SCAPER: variants seen among roughly 807,000 people sequenced by gnomAD.
The protein encoded by SCAPER is S-phase cyclin A associated protein in the ER.
In SCAPER, 98 loss-of-function variants were observed where a neutral mutation model predicts 182.2. The ratio of observed to expected loss-of-function variants is 0.54; its 90% CI spans 0.46 to 0.64. The LOEUF (loss-of-function observed/expected upper bound fraction) is 0.64. SCAPER is among the 30% of genes least tolerant of loss of function. The probability of loss-of-function intolerance (pLI) is 0.00; values close to 1 mark genes in which losing one functional copy is unlikely to be tolerated. For missense variants in SCAPER, 1,432 were observed against 1,690.0 expected (o/e 0.85, Z 2.68); for synonymous variants, 605 against 564.6 (o/e 1.07, Z -1.01).
chr15:76,552,891 T>C (rs2045898258), intron 23 of SCAPER, among the ~76,000 whole-genome samples: 1 of 152,164 alleles, frequency 6.6e-6, no homozygotes, highest in South Asian at 2.1e-4. Context: ...GGGACCCCAG[T>C]CTGGCCATGC....
At chr15:76,499,261 A>T (rs969507430) in intron 24 of SCAPER, among the ~76,000 whole-genome samples, 9 of 152,244 alleles carry the variant, frequency 5.9e-5, no homozygotes, top group Non-Finnish European at 1.2e-4. Context: ...TAAACTGATG[A>T]TGGAGGGTAA....
At chr15:76,622,054 G>A (rs2052118727) in intron 21 of SCAPER, among the ~76,000 whole-genome samples, 1 of 152,084 alleles carries the variant, frequency 6.6e-6, no homozygotes, top group African/African-American at 2.4e-5. Context: ...TAACTAAAAA[G>A]ACAGTGGAAA....
At chr15:76,650,302 A>T (rs1037624526) in intron 21 of SCAPER, among the ~76,000 whole-genome samples, 3 of 152,052 alleles carry the variant, frequency 2.0e-5, no homozygotes, top group Non-Finnish European at 2.9e-5. Flanking sequence ...ACATAGTTAA[A>T]ATTTACAAGG....
intron 27 of SCAPER, among the ~76,000 whole-genome samples, chr15:76,402,146 C>CA (rs778082636): frequency 1.1e-4 from 16 of 152,034 alleles, no homozygotes; most frequent in African/African-American, 3.4e-4. Flanking sequence ...CAAAACAAAA[C>CA]AAACAAACAA....
chr15:76,711,335 T>C (rs1005589199), intron 17 of SCAPER, among the ~76,000 whole-genome samples: 2 of 152,156 alleles, frequency 1.3e-5, no homozygotes, highest in African/African-American at 4.8e-5. Context: ...TACAACTCAT[T>C]AACAAAATGA....
intron 3 of SCAPER, among the ~76,000 whole-genome samples, chr15:76,858,496 A>G (rs1443375595): frequency 1.3e-5 from 2 of 152,094 alleles, no homozygotes; most frequent in Admixed American, 6.6e-5. Context: ...ACAGGGGTAC[A>G]TGTGCAGGTT....
intron 20 of SCAPER, among the ~76,000 whole-genome samples, chr15:76,691,499 T>C (rs1476644470): frequency 6.6e-6 from 1 of 151,926 alleles, no homozygotes; most frequent in Non-Finnish European, 1.5e-5. Context: ...AATTGAAAAA[T>C]AGAGAAATAT....
At chr15:76,583,770 A>G (rs1250905141) in intron 22 of SCAPER, among the ~76,000 whole-genome samples, 1 of 152,192 alleles carries the variant, frequency 6.6e-6, no homozygotes, top group African/African-American at 2.4e-5. Flanking sequence ...GCAATAACAA[A>G]TGCTGGTGAG....
chr15:76,653,434 C>T (rs149630969), intron 21 of SCAPER, among the ~76,000 whole-genome samples: 1,754 of 152,034 alleles, frequency 0.012, 15 homozygotes, highest in South Asian at 0.018. Flanking sequence ...AGAATAAAGC[C>T]GGAGAATCAC....
At chr15:76,634,768 A>G (rs951804305) in intron 21 of SCAPER, among the ~76,000 whole-genome samples, 9 of 152,150 alleles carry the variant, frequency 5.9e-5, no homozygotes, top group Non-Finnish European at 1.2e-4. Flanking sequence ...ATATAGAAAT[A>G]TGACCTATTT....
Position 76,773,917 on chromosome 15 carries a change from C to T in SCAPER, c.1035+938G>A, listed in dbSNP as rs58294787. On this transcript the variant is annotated intron_variant, in intron 9 of 31. Transcript: ENST00000563290. Reference sequence around the variant, plus strand: ...GTCATTTTACATAAAATTACACCAACGGAACTGAACCTTTATATAAACAAA... The same window carrying T: ...GTCATTTTACATAAAATTACACCAATGGAACTGAACCTTTATATAAACAAA... Among the ~76,000 whole-genome samples, 334 of 151,852 alleles carry T rather than the reference C, an allele frequency of 2.2e-3. 1 individual carries two copies. Among genetic ancestry groups the T allele is most frequent in the East Asian group, 0.015 (78 of 5,178 alleles).
chr15:76,859,535 T>C (rs1407783963), intron 3 of SCAPER, among the ~76,000 whole-genome samples: 1 of 152,202 alleles, frequency 6.6e-6, no homozygotes, highest in African/African-American at 2.4e-5. Context: ...CACCTAAGTA[T>C]ATATTGTAGT....
At chr15:76,850,816 C>T (rs1411911021) in intron 4 of SCAPER, among the ~76,000 whole-genome samples, 3 of 145,376 alleles carry the variant, frequency 2.1e-5, no homozygotes, top group South Asian at 4.3e-4. Context: ...GCAGAGATTG[C>T]GCCATTGTAT....
At chr15:76,742,494 A>G (rs12907436) in intron 15 of SCAPER, among the ~76,000 whole-genome samples, 38,020 of 108,232 alleles carry the variant, frequency 0.35, 5,924 homozygotes, top group Non-Finnish European at 0.47. Context: ...AAAAAAAAAA[A>G]GAATAAAAAT....
At chr15:76,479,203 A>G (rs1192701913) in intron 24 of SCAPER, among the ~76,000 whole-genome samples, 2 of 152,228 alleles carry the variant, frequency 1.3e-5, no homozygotes, top group African/African-American at 2.4e-5. Flanking sequence ...ACTCAGGGTC[A>G]GGAAAAACTT....
chr15:76,464,954 G>T, intron 25 of SCAPER, among the ~76,000 whole-genome samples: 1 of 151,844 alleles, frequency 6.6e-6, no homozygotes, highest in Non-Finnish European at 1.5e-5. Flanking sequence ...ATCTCATTGT[G>T]GTTTTGATTT....
chr15:76,876,115 C>A (rs1323097502), intron 2 of SCAPER, among the ~76,000 whole-genome samples: 1 of 152,218 alleles, frequency 6.6e-6, no homozygotes, highest in African/African-American at 2.4e-5. Flanking sequence ...AGTACAGGAG[C>A]CCGCCAAGCC....
At chr15:76,633,068 C>G (rs540113430) in intron 21 of SCAPER, among the ~76,000 whole-genome samples, 1 of 152,148 alleles carries the variant, frequency 6.6e-6, no homozygotes, top group Non-Finnish European at 1.5e-5. Flanking sequence ...TGTAAGCCAC[C>G]GTGCCCAGCC....
chr15:76,692,666 G>A lies in SCAPER; in HGVS notation c.2508+9092C>T, dbSNP rs1393464588. On this transcript the variant is annotated intron_variant, in intron 20 of 31. Coordinates refer to ENST00000563290, the MANE Select transcript of SCAPER (RefSeq NM_020843.4). ...ATCATACCACTGCACTCCAGCCTGG[G>A]TGACAGAGCAAGATTCTGTTTCAAA... Among the ~76,000 whole-genome samples the A allele has an allele frequency of 3.1e-4, 42 of 135,578 alleles. No homozygotes were observed. In the East Asian group the frequency reaches 7.6e-3, roughly 24 times the overall value. The allele number at this position is 135,578 out of a possible 152,430, so 88.9% of individuals were successfully genotyped here. A position where few individuals can be genotyped will look rare whatever the true frequency, so the allele number is the denominator to read the frequency against.
Sources: allele counts gnomAD v4.1 joint callset (sites outside exome capture counted in the v4.1 genomes callset), GRCh38; gene constraint gnomAD v4.1.1; transcripts MANE v1.5; gene names NCBI Gene and HGNC (gene_info 2026-07-23, HGNC 2026-07-21).